The following CCDC81 variants were observed in gnomAD, a reference collection of about 807,000 sequenced individuals.
CCDC81 encodes the protein coiled-coil domain containing 81.
In CCDC81, 79 loss-of-function variants were observed where a neutral mutation model predicts 83.7. The observed-to-expected ratio is 0.94, with a 90% CI of 0.79 to 1.14. The LOEUF is 1.14. Among genes scored for constraint, CCDC81 ranks in the 50% most tolerant of loss-of-function variants. The probability of loss-of-function intolerance (pLI) is 0.00; values close to 1 mark genes in which losing one functional copy is unlikely to be tolerated. For synonymous variants in CCDC81, 252 were observed against 278.1 expected, an observed-to-expected ratio of 0.91 and a Z score of 0.93; for missense variants, 791 against 778.1, an observed-to-expected ratio of 1.02 and a Z score of -0.20.
chr11:86,419,366 C>G (rs1242950463), intron 13 of CCDC81: 1 of 152,262 alleles, frequency 6.6e-6, no homozygotes, highest in Admixed American at 6.5e-5. Flanking sequence ...ACTGCAGTCA[C>G]TTCTTCGATG....
chr11:86,414,527 G>A (rs1365195806), intron 11 of CCDC81: 7 of 332,864 alleles, frequency 2.1e-5, no homozygotes, highest in Non-Finnish European at 3.3e-5. Context: ...GGTTGGTCTC[G>A]GACTCCTGAC....
rs113585788 is a variant in CCDC81, at chr11:86,386,796, T to C, written c.141+684T>C. On this transcript the variant is annotated intron_variant, in intron 2 of 14. Coordinates refer to ENST00000445632, the MANE Select transcript of CCDC81 (RefSeq NM_001156474.2). Reference sequence around the variant, plus strand: ...TTTTGGATTTTTTCCCTCCCTTTCATTGAAAAATCAGCAGATCTAACAGTA... The same window carrying C: ...TTTTGGATTTTTTCCCTCCCTTTCACTGAAAAATCAGCAGATCTAACAGTA... 4.3e-4 allele frequency among the ~76,000 whole-genome samples: 65 copies of C among 152,348 alleles called. 1 individual carries two copies. Among genetic ancestry groups the C allele is most frequent in the Admixed American group, 1.0e-3 (16 of 15,306 alleles).
intron 7 of CCDC81, among the ~76,000 whole-genome samples, chr11:86,405,785 C>CTTTTTTTTTT (rs146946869): frequency 6.2e-5 from 8 of 128,628 alleles, no homozygotes; most frequent in African/African-American, 1.2e-4. Context: ...CTTCTTTTTT[C>CTTTTTTTTTT]TTTTTTTTTT....
chr11:86,409,488 C>A, intron 10 of CCDC81, 123 bp downstream of exon 10: 1 of 466,952 alleles, frequency 2.1e-6, no homozygotes, highest in Non-Finnish European at 3.8e-6. Context: ...AGTCTTGCTC[C>A]GTCACCCAGG....
intron 7 of CCDC81, among the ~76,000 whole-genome samples, chr11:86,401,075 T>C (rs2138521385): frequency 6.6e-6 from 1 of 152,318 alleles, no homozygotes; most frequent in Non-Finnish European, 1.5e-5. Flanking sequence ...CATCCAACTT[T>C]TTCTGTAGAT....
intron 3 of CCDC81, among the ~76,000 whole-genome samples, chr11:86,389,880 C>T (rs1244809437): frequency 1.3e-5 from 2 of 152,172 alleles, no homozygotes; most frequent in South Asian, 2.1e-4. Flanking sequence ...CTGAGGCAGG[C>T]GGATCACAAG....
rs200850297 is a variant in CCDC81 at position 86,395,284 on chromosome 11, A to T, written c.556-50A>T. On this transcript the variant is annotated intron_variant, in intron 4 of 14. Coordinates refer to ENST00000445632, the MANE Select transcript of CCDC81 (RefSeq NM_001156474.2). Reference sequence around the variant, plus strand: ...GAGCCTGCAGTTTTTAATTTGTCTGAGTCCTGGACCTCAGCCTAGATGTAA... The same window carrying T: ...GAGCCTGCAGTTTTTAATTTGTCTGTGTCCTGGACCTCAGCCTAGATGTAA... The T allele has an allele frequency of 6.1e-5, 89 of 1,455,476 alleles. No homozygotes were observed. In the East Asian group the frequency reaches 1.9e-3, roughly 32 times the overall value. 90.2% of individuals were successfully genotyped at this position (1,455,476 alleles called of 1,614,324 possible).
intron 7 of CCDC81, among the ~76,000 whole-genome samples, chr11:86,407,069 G>A (rs948360472): frequency 2.2e-4 from 33 of 152,094 alleles, no homozygotes; most frequent in African/African-American, 8.0e-4. Context: ...TTACTCCTAT[G>A]TCACTTCCTT....
At chr11:86,418,739 T>TGGGGAGGCAG (rs1948752532) in intron 13 of CCDC81, among the ~76,000 whole-genome samples, 1 of 152,178 alleles carries the variant, frequency 6.6e-6, no homozygotes, top group African/African-American at 2.4e-5. Flanking sequence ...GGGGAGTTGT[T>TGGGGAGGCAG]TAATGGGTGT....
chr11:86,417,205 T>C (rs987760085), intron 13 of CCDC81, among the ~76,000 whole-genome samples: 6 of 145,042 alleles, frequency 4.1e-5, no homozygotes, highest in African/African-American at 1.5e-4. Flanking sequence ...ATTGCGCCAC[T>C]GCACTTCAGC....
chr11:86,395,829 G>T (rs1425380395), intron 5 of CCDC81, among the ~76,000 whole-genome samples: 1 of 152,054 alleles, frequency 6.6e-6, no homozygotes, highest in African/African-American at 2.4e-5. Context: ...CACCATATAG[G>T]CCAGGCTGGT....
rs1293130798 is a variant in CCDC81 at position 86,392,636 on chromosome 11, C to G, written c.394C>G (p.Leu132Val). The G allele has an allele frequency of 1.4e-5, 22 of 1,551,452 alleles. No individual in the cohort carries two copies. Among genetic ancestry groups the G allele is most frequent in the Non-Finnish European group, 1.8e-5 (21 of 1,146,954 alleles). Residue 132 changes from leucine to valine, a missense_variant, in exon 4 of 15, where the codon CTT becomes GTT. Physicochemically the swap from Leu to Val is conservative, Grantham distance 32 (BLOSUM62 1). Coordinates refer to ENST00000445632, the MANE Select transcript of CCDC81 (RefSeq NM_001156474.2). ...VVEGCVKETL[L>V]FLSRSISMKQ... ...GGAAGGATGTGTGAAGGAGACGTTGCTTTTTTTATCGCGTTCCATTTCCAT... is the reference window on the plus strand; with the variant it reads ...GGAAGGATGTGTGAAGGAGACGTTGGTTTTTTTATCGCGTTCCATTTCCAT...
Position 86,412,680 on chromosome 11 carries a change from C to G in CCDC81, c.1391+121C>G, listed in dbSNP as rs1948662290. 4.5e-6 allele frequency: 4 copies of G among 880,714 alleles called. No individual in the cohort carries two copies. The South Asian group carries it at 5.7e-5, about 12-fold the overall frequency. The allele number at this position is 880,714 out of a possible 1,614,324, so 54.6% of individuals were successfully genotyped here. A position where few individuals can be genotyped will look rare whatever the true frequency, so the allele number is the denominator to read the frequency against. The stretch of plus-strand genomic sequence containing the variant: ...AGCACACTGTAACCAACTGAGCAAA[C>G]TAACCCAGTTAGCAGCCAGTACTGA... On this transcript the variant is annotated intron_variant, in intron 11 of 14. Coordinates refer to ENST00000445632, the MANE Select transcript of CCDC81 (RefSeq NM_001156474.2).
chr11:86,398,753 A>G (rs954026543), intron 6 of CCDC81, among the ~76,000 whole-genome samples: 65 of 152,144 alleles, frequency 4.3e-4, no homozygotes, highest in African/African-American at 1.5e-3. Flanking sequence ...TTGTATTTTT[A>G]GTAGAGATGG....
intron 11 of CCDC81, chr11:86,414,261 C>T (rs1283692899): frequency 6.6e-6 from 1 of 151,916 alleles, no homozygotes; most frequent in Admixed American, 6.6e-5. Flanking sequence ...CGGTCACCTG[C>T]CTATACTTGT....
chr11:86,422,839 A>G lies in CCDC81; in HGVS notation c.*124A>G, dbSNP rs1417940092. On this transcript the variant is annotated 3_prime_UTR_variant, in exon 15 of 15. Coordinates refer to ENST00000445632, the MANE Select transcript of CCDC81 (RefSeq NM_001156474.2). ...ATCATTGTTTAGGTTTGGTGCTTTC[A>G]TTAGATTGCTTGTTAAGCCCTTATT... The G allele has an allele frequency of 7.4e-6, 7 of 949,918 alleles. No homozygotes were observed. The highest frequency in any genetic ancestry group is 1.7e-5 in the African/African-American group (1 of 60,172). 58.8% of individuals were successfully genotyped at this position (949,918 alleles called of 1,614,324 possible). A position where few individuals can be genotyped will look rare whatever the true frequency, so the allele number is the denominator to read the frequency against.
chr11:86,405,578 A>G (rs1948554168), intron 7 of CCDC81, among the ~76,000 whole-genome samples: 1 of 152,060 alleles, frequency 6.6e-6, no homozygotes, highest in Non-Finnish European at 1.5e-5. Context: ...TATGCTTTGA[A>G]TTTCCTTTGA....
chr11:86,422,742 C>T lies in CCDC81; in HGVS notation c.*27C>T, dbSNP rs1056194. 0.78 allele frequency: 1,246,650 copies of T among 1,600,300 alleles called. 486,491 individuals are homozygous for T. Among genetic ancestry groups the T allele is most frequent in the South Asian group, 0.86 (77,117 of 90,058 alleles). On this transcript the variant is annotated 3_prime_UTR_variant, in exon 15 of 15. Coordinates refer to ENST00000445632, the MANE Select transcript of CCDC81 (RefSeq NM_001156474.2). ...ACTCAAAGTTTGGCTCTTCGTTTCC[C>T]GGGGAAAGTTTTTATCTTTTACATG...
intron 3 of CCDC81, among the ~76,000 whole-genome samples, chr11:86,390,716 G>A (rs965856843): frequency 3.9e-5 from 6 of 152,098 alleles, no homozygotes; most frequent in African/African-American, 9.7e-5. Context: ...GAAGGAAGGC[G>A]TTTAGTATGA....
Sources: allele counts gnomAD v4.1 joint callset (sites outside exome capture counted in the v4.1 genomes callset), GRCh38; gene constraint gnomAD v4.1.1; transcripts MANE v1.5; gene names NCBI Gene and HGNC (gene_info 2026-07-23, HGNC 2026-07-21).